Variants in PFKFB3 observed in about 807,000 individuals in gnomAD.
PFKFB3 encodes the protein 6-phosphofructo-2-kinase/fructose-2,6-bisphosphatase 3.
PFKFB3 carries 33 observed loss-of-function variants against 68.0 expected under a neutral mutation model. That is an observed-to-expected ratio of 0.49 (90% CI 0.37 to 0.65). The LOEUF (loss-of-function observed/expected upper bound fraction) is 0.65. Ranked by LOEUF, PFKFB3 falls within the 30% of genes least tolerant of loss-of-function variation. The probability of loss-of-function intolerance (pLI) is 0.00; values close to 1 mark genes in which losing one functional copy is unlikely to be tolerated. For synonymous variants in PFKFB3, 315 were observed against 288.2 expected (o/e 1.09, Z -0.94); for missense variants, 586 against 712.2 (o/e 0.82, Z 2.02).
At chr10:6,307,586 C>G in the PFKFB3 span, among the ~76,000 whole-genome samples, 3 of 147,494 alleles carry the variant, frequency 2.0e-5, no homozygotes, top group Non-Finnish European at 3.0e-5. Context: ...CTCTCCCTCC[C>G]CCACCCTTTC....
chr10:6,188,826 T>A (rs1358886519), intron 1 of PFKFB3, among the ~76,000 whole-genome samples: 2 of 120,846 alleles, frequency 1.7e-5, no homozygotes, highest in East Asian at 5.1e-4. Context: ...TCCTTCCTTT[T>A]AATTTTTTTT....
At chr10:6,160,957 T>TA (rs1413867374) in intron 1 of PFKFB3, among the ~76,000 whole-genome samples, 1 of 152,118 alleles carries the variant, frequency 6.6e-6, no homozygotes, top group Non-Finnish European at 1.5e-5. Flanking sequence ...TTTTTTGAGA[T>TA]AGAGTTTCAC....
the PFKFB3 span, among the ~76,000 whole-genome samples, chr10:6,296,969 A>G: frequency 6.6e-6 from 1 of 152,184 alleles, no homozygotes; most frequent in Non-Finnish European, 1.5e-5. Flanking sequence ...TCTGGTTTGA[A>G]CATCTCTGAC....
At position 6,228,183 on chromosome 10, in the gene PFKFB3, T is replaced by C; in HGVS notation, c.1515+1818T>C. The C allele has an allele frequency of 1.2e-6, 2 of 1,612,810 alleles. No homozygotes were observed. On this transcript the variant is annotated intron_variant, in intron 14 of 14. Coordinates refer to ENST00000379775, the MANE Select transcript of PFKFB3 (RefSeq NM_004566.4). The surrounding 1 kb of genome is among the most constrained non-coding windows in gnomAD (Gnocchi z 4.5). ...CCTCCTGACTGACTTCTCTCTCTGC[T>C]TCTCCTCCGCAGCCTTTGCTAGGGC...
intron 14 of PFKFB3, among the ~76,000 whole-genome samples, chr10:6,248,779 A>C (rs996239055): frequency 6.6e-6 from 1 of 152,224 alleles, no homozygotes; most frequent in African/African-American, 2.4e-5. Flanking sequence ...GATTAGGAAA[A>C]TGAAAATTAA....
At chr10:6,216,886 C>A in intron 5 of PFKFB3, 106 bp downstream of exon 5, 3 of 888,934 alleles carry the variant, frequency 3.4e-6, no homozygotes, top group Non-Finnish European at 5.6e-6. Flanking sequence ...TGCCCATGTT[C>A]CTTAGTCCTG....
At chr10:6,250,964 C>T (rs866375884) in intron 14 of PFKFB3, among the ~76,000 whole-genome samples, 4 of 152,162 alleles carry the variant, frequency 2.6e-5, no homozygotes, top group South Asian at 4.1e-4. Context: ...TGACCTTTCA[C>T]GAGTGCTGAG....
chr10:6,200,661 G>A (rs1304237120), upstream of PFKFB3, among the ~76,000 whole-genome samples: 1 of 1,750 alleles, frequency 5.7e-4, no homozygotes. Flanking sequence ...GTAAGGAGCG[G>A]GGGGGGGGGG....
At chr10:6,155,994 G>A (rs117789576) in intron 1 of PFKFB3, among the ~76,000 whole-genome samples, 1,554 of 152,234 alleles carry the variant, frequency 0.01, 64 homozygotes, top group East Asian at 0.071. Context: ...CCAATAGGCA[G>A]TTTTTCAACC....
rs750883093 is a variant in PFKFB3, at chr10:6,221,524, C to T, written c.975C>T (p.Asp325=). The T allele has an allele frequency of 5.6e-6, 9 of 1,613,128 alleles. No individual in the cohort carries two copies. The highest frequency in any genetic ancestry group is 2.2e-5 in the East Asian group (1 of 44,882). Residue 325 remains aspartate (D), a synonymous_variant, in exon 9 of 15, where the codon GAC becomes GAT. Transcript: ENST00000379775. ...AGTGGAAGGCGCTCAATGAGATCGA[C>T]GCGGTGAGTCCTGGGAGGCGGGCAG... ...YEQWKALNEI[D]AGVCEELTYE...
chr10:6,148,172 G>C (rs1841457750), intron 1 of PFKFB3, among the ~76,000 whole-genome samples: 1 of 152,224 alleles, frequency 6.6e-6, no homozygotes, highest in African/African-American at 2.4e-5. Context: ...AGGGAGGGGA[G>C]TCAGAAGTCC....
chr10:6,276,783 C>A, the PFKFB3 span, among the ~76,000 whole-genome samples: 1 of 151,840 alleles, frequency 6.6e-6, no homozygotes, highest in East Asian at 1.9e-4. Context: ...ATATCACAAC[C>A]ATGATATTGA....
At chr10:6,184,593 C>T (rs901437989) in intron 1 of PFKFB3, among the ~76,000 whole-genome samples, 2 of 151,978 alleles carry the variant, frequency 1.3e-5, no homozygotes, top group Admixed American at 6.6e-5. Context: ...GCCTCAGCCT[C>T]CTGAGGAACT....
the PFKFB3 span, among the ~76,000 whole-genome samples, chr10:6,262,500 A>G: frequency 1.3e-5 from 2 of 149,922 alleles, no homozygotes; most frequent in Non-Finnish European, 3.0e-5. Flanking sequence ...GATATTTTCA[A>G]TGTAATCTAA....
Position 6,203,115 on chromosome 10 carries a change from C to T in PFKFB3, c.-146C>T. ...AGGGTCCGGAACTTAGCCCAAAGCA[C>T]GTTTCCCCTGGCAGCGCAGGAAACG... On this transcript the variant is annotated 5_prime_UTR_variant, in exon 1 of 15. In the 5' UTR this introduces an upstream ATG that the reference lacks. Coordinates refer to ENST00000379775, the MANE Select transcript of PFKFB3 (RefSeq NM_004566.4). The T allele has an allele frequency of 6.8e-7, 1 of 1,477,690 alleles. No individual in the cohort carries two copies. The highest frequency in any genetic ancestry group is 8.9e-7 in the Non-Finnish European group (1 of 1,117,592). 91.5% of individuals were successfully genotyped at this position (1,477,690 alleles called of 1,614,324 possible).
At chr10:6,186,112 T>C (rs1367643848) in intron 1 of PFKFB3, among the ~76,000 whole-genome samples, 1 of 152,114 alleles carries the variant, frequency 6.6e-6, no homozygotes, top group Non-Finnish European at 1.5e-5. Flanking sequence ...TGGTATATGA[T>C]GGAGAAATGA....
chr10:6,186,514 A>G (rs116936813), intron 1 of PFKFB3, among the ~76,000 whole-genome samples: 2 of 152,344 alleles, frequency 1.3e-5, no homozygotes, highest in East Asian at 3.9e-4. Context: ...TTCTTTTACT[A>G]TTACTACATG....
intron 1 of PFKFB3, among the ~76,000 whole-genome samples, chr10:6,164,350 G>A (rs746804697): frequency 1.8e-4 from 28 of 152,208 alleles, no homozygotes; most frequent in Non-Finnish European, 4.1e-4. Flanking sequence ...CGGTGAATTT[G>A]GGGAGAGTGA....
chr10:6,267,493 A>T, the PFKFB3 span, among the ~76,000 whole-genome samples: 1 of 152,088 alleles, frequency 6.6e-6, no homozygotes, highest in East Asian at 1.9e-4. Flanking sequence ...TTCTTTCTGC[A>T]GTCAGGGCAA....
Sources: allele counts gnomAD v4.1 joint callset (sites outside exome capture counted in the v4.1 genomes callset), GRCh38; gene constraint gnomAD v4.1.1; non-coding constraint Gnocchi (gnomAD v3.1); transcripts MANE v1.5; gene names NCBI Gene and HGNC (gene_info 2026-07-23, HGNC 2026-07-21).